Variants in ZBTB8A observed in about 807,000 individuals in gnomAD.
ZBTB8A encodes zinc finger and BTB domain-containing protein 8A.
ZBTB8A carries 19 observed loss-of-function variants against 37.8 expected under a neutral mutation model. The ratio of observed to expected loss-of-function variants is 0.50; its 90% CI spans 0.35 to 0.74. The LOEUF (loss-of-function observed/expected upper bound fraction) is 0.74, where lower values mean the gene tolerates loss of function less well. ZBTB8A is among the 30% of genes least tolerant of loss of function. The pLI is 0.01. For missense variants in ZBTB8A, 394 were observed against 537.8 expected (o/e 0.73, Z 2.65); for synonymous variants, 181 against 185.2 (o/e 0.98, Z 0.19).
chr1:32,599,363 T>C (rs906374671), intron 4 of ZBTB8A, among the ~76,000 whole-genome samples: 3 of 151,994 alleles, frequency 2.0e-5, no homozygotes, highest in African/African-American at 7.2e-5. Flanking sequence ...AGGCTGAGGC[T>C]GCAGTGAGCC....
intron 1 of ZBTB8A, among the ~76,000 whole-genome samples, chr1:32,544,694 C>T (rs1644088362): frequency 1.3e-5 from 2 of 152,208 alleles, no homozygotes; most frequent in Admixed American, 1.3e-4. Context: ...AAGACTTTGT[C>T]TACAAAAATA....
rs564817358 is a variant in ZBTB8A, at chr1:32,565,434, G to A, written c.-2+11894G>A. Among the ~76,000 whole-genome samples, 12 of 152,220 alleles carry A rather than the reference G, an allele frequency of 7.9e-5. No individual in the cohort carries two copies. The East Asian group carries it at 2.1e-3, about 27-fold the overall frequency. ...TTTGGGAGGCCCAGGCTGGAGGATT[G>A]CTTGAGGCTGGGAGTTAAAGATCAA... On this transcript the variant is annotated intron_variant, in intron 2 of 4. Transcript: ENST00000373510.
At chr1:32,543,526 C>G (rs186582665) in intron 1 of ZBTB8A, among the ~76,000 whole-genome samples, 2 of 152,264 alleles carry the variant, frequency 1.3e-5, no homozygotes, top group African/African-American at 4.8e-5. Flanking sequence ...AAACCCCATG[C>G]CTGTTAACAG....
intron 1 of ZBTB8A, among the ~76,000 whole-genome samples, chr1:32,545,005 T>G (rs1473694432): frequency 6.6e-6 from 1 of 152,158 alleles, no homozygotes; most frequent in East Asian, 1.9e-4. Context: ...TCATTACTCT[T>G]GAATATATAC....
intron 2 of ZBTB8A, among the ~76,000 whole-genome samples, chr1:32,573,237 A>ATT (rs35060623): frequency 3.9e-5 from 5 of 128,492 alleles, no homozygotes; most frequent in Admixed American, 1.6e-4. Flanking sequence ...CACCCGGCTA[A>ATT]TTTTTTTTTT....
chr1:32,550,144 GC>G, intron 1 of ZBTB8A, among the ~76,000 whole-genome samples: 1 of 151,584 alleles, frequency 6.6e-6, no homozygotes, highest in East Asian at 2.0e-4. Context: ...GATCTCTTGA[GC>G]CCAGGAGTTC....
rs779794740 is a variant in ZBTB8A at position 32,593,349 on chromosome 1, GCCAA to G, written c.419_422del (p.Ala140ValfsTer5). ...CTATTTCAGTCTCTCAGATAAAGAT[GCCAA>G]TTCTAATGGTGTAGAACGTTCCTCT... On this transcript the variant is annotated frameshift_variant, in exon 3 of 5. Coordinates refer to ENST00000373510, the MANE Select transcript of ZBTB8A (RefSeq NM_001040441.3). LOFTEE classifies it high-confidence loss of function. The G allele has an allele frequency of 1.2e-6, 2 of 1,614,046 alleles. No homozygotes were observed. Among genetic ancestry groups the G allele is most frequent in the African/African-American group, 2.7e-5 (2 of 74,920 alleles).
rs556164450 is a variant in ZBTB8A at position 32,599,264 on chromosome 1, A to T, written c.994-823A>T. 8.6e-5 allele frequency among the ~76,000 whole-genome samples: 13 copies of T among 151,390 alleles called. No homozygotes were observed. The East Asian group carries it at 1.2e-3, about 14-fold the overall frequency. On this transcript the variant is annotated intron_variant, in intron 4 of 4. Transcript: ENST00000373510. ...TAGTGAGACCCTTTCTCTATAAAAAATTTTTTTTTAATTAGCCAGGTGTGG... is the reference window on the plus strand; with the variant it reads ...TAGTGAGACCCTTTCTCTATAAAAATTTTTTTTTTAATTAGCCAGGTGTGG...
chr1:32,561,411 T>C (rs1644243372), intron 2 of ZBTB8A, among the ~76,000 whole-genome samples: 1 of 152,172 alleles, frequency 6.6e-6, no homozygotes. Flanking sequence ...CCATGCTGCC[T>C]CTGAAGGTTG....
At chr1:32,594,905 C>T (rs1644517998) in intron 3 of ZBTB8A, 149 bp from the exon 4 acceptor site, 9 of 791,294 alleles carry the variant, frequency 1.1e-5, no homozygotes, top group Non-Finnish European at 1.5e-5. Flanking sequence ...ACTTTTTGGG[C>T]TAACCAACTC....
At chr1:32,589,783 C>T (rs1644474773) in intron 2 of ZBTB8A, among the ~76,000 whole-genome samples, 1 of 151,970 alleles carries the variant, frequency 6.6e-6, no homozygotes, top group Non-Finnish European at 1.5e-5. Context: ...AACTCCTGAC[C>T]TCAGGTGATC....
rs1644212728 is a variant in ZBTB8A, at chr1:32,557,581, G to GGAT, written c.-2+4041_-2+4042insGAT. Among the ~76,000 whole-genome samples the GGAT allele has an allele frequency of 1.1e-4, 16 of 152,124 alleles. No individual in the cohort carries two copies. The South Asian group carries it at 3.3e-3, about 32-fold the overall frequency. On this transcript the variant is annotated intron_variant, in intron 2 of 4. Transcript: ENST00000373510. ...GGGCTCAAGTGATCCTCCCACCTCA[G>GGAT]CCCCCAAGTAGCTGGGACTACAGGC...
Position 32,593,334 on chromosome 1 carries a change from C to G in ZBTB8A, c.403C>G (p.Leu135Val). 6.2e-7 allele frequency: 1 copy of G among 1,614,174 alleles called. No individual in the cohort carries two copies. The highest frequency in any genetic ancestry group is 8.5e-7 in the Non-Finnish European group (1 of 1,180,032). The change falls in exon 3 of 5, where the codon CTC (leucine) becomes GTC (valine). Residue 135 changes from leucine (L) to valine (V), a missense_variant. By Grantham distance (32) the Leu-to-Val change is conservative. This residue lies in a region of ZBTB8A where 96 missense variants were observed against 165.6 expected (regional missense o/e 0.58). Coordinates refer to ENST00000373510, the MANE Select transcript of ZBTB8A (RefSeq NM_001040441.3). The part of the protein sequence containing the change: ...SEKEKDRYFS[L>V]SDKDANSNGV... ...GAAAGAAAAAGATCGCTATTTCAGT[C>G]TCTCAGATAAAGATGCCAATTCTAA...
chr1:32,561,333 A>C (rs1644242772), intron 2 of ZBTB8A, among the ~76,000 whole-genome samples: 1 of 152,120 alleles, frequency 6.6e-6, no homozygotes, highest in South Asian at 2.1e-4. Context: ...TCACCTACGA[A>C]GCAACGTACG....
intron 2 of ZBTB8A, among the ~76,000 whole-genome samples, chr1:32,591,408 A>T (rs1644487337): frequency 6.6e-6 from 1 of 151,830 alleles, no homozygotes; most frequent in Non-Finnish European, 1.5e-5. Context: ...TTGTAGAGAC[A>T]GGGTCTTGCT....
chr1:32,590,884 T>A (rs1297652512), intron 2 of ZBTB8A, among the ~76,000 whole-genome samples: 2 of 152,032 alleles, frequency 1.3e-5, no homozygotes, highest in African/African-American at 4.8e-5. Context: ...ATACAAGTCT[T>A]TGTTGAATTT....
At chr1:32,586,315 G>A (rs1006626168) in intron 2 of ZBTB8A, among the ~76,000 whole-genome samples, 5 of 151,962 alleles carry the variant, frequency 3.3e-5, no homozygotes, top group Admixed American at 6.6e-5. Context: ...GCGAGACTCC[G>A]TCTCAAAAAA....
Position 32,602,533 on chromosome 1 carries a change from T to C in ZBTB8A, c.*2114T>C, listed in dbSNP as rs1644584572. ...ACTGTATATGGAGAGGCTCCATCTA[T>C]TTTACTGTTTTCTTTTTTGTTTTTG... is the stretch of plus-strand genomic sequence containing the variant. On this transcript the variant is annotated 3_prime_UTR_variant, in exon 5 of 5. Transcript: ENST00000373510. The C allele has an allele frequency of 6.6e-6, 1 of 152,140 alleles. No homozygotes were observed. The allele number at this position is 152,140 out of a possible 1,614,324, so 9.4% of individuals were successfully genotyped here.
At chr1:32,600,043 G>A in intron 4 of ZBTB8A, 44 bp from the exon 5 acceptor site, 1 of 1,528,504 alleles carries the variant, frequency 6.5e-7, no homozygotes. Flanking sequence ...AAACTGTCCT[G>A]CTTTTGAAAA....
Sources: gnomAD v4.1 joint callset for allele counts (sites outside exome capture counted in the v4.1 genomes callset) on GRCh38, gnomAD v4.1.1 for gene constraint, gnomAD v4.1.1 regional missense constraint, MANE v1.5 for transcripts, NCBI Gene and HGNC (gene_info 2026-07-23, HGNC 2026-07-21) for gene names.